COP1: variants seen among roughly 807,000 people sequenced by gnomAD.
COP1 encodes COP1 E3 ubiquitin ligase, also known as E3 ubiquitin-protein ligase COP1.
Under a neutral mutation model 101.3 loss-of-function variants are expected in COP1, and 24 were observed. The observed-to-expected ratio is 0.24, with a 90% confidence interval of 0.17 to 0.33. COP1 has a LOEUF of 0.33. COP1 is among the 10% of genes least tolerant of loss of function. The pLI, the probability that COP1 is intolerant of heterozygous loss-of-function variation, is 1.00. For missense variants in COP1, 663 were observed against 906.2 expected (o/e 0.73, Z 3.45); for synonymous variants, 347 against 341.9 (o/e 1.01, Z -0.17).
At chr1:175,949,953 T>C (rs1649664264) in intron 18 of COP1, among the ~76,000 whole-genome samples, 1 of 152,162 alleles carries the variant, frequency 6.6e-6, no homozygotes, top group Non-Finnish European at 1.5e-5. Context: ...AATTGTAGTA[T>C]ATTATCTTAC....
At chr1:175,952,789 T>C (rs1650113534) in intron 18 of COP1, among the ~76,000 whole-genome samples, 1 of 150,546 alleles carries the variant, frequency 6.6e-6, no homozygotes, top group Non-Finnish European at 1.5e-5. Flanking sequence ...GATGCATGCA[T>C]GCCTCTAGTC....
chr1:176,171,538 G>A (rs542742), intron 3 of COP1, among the ~76,000 whole-genome samples: 41,268 of 151,934 alleles, frequency 0.27, 6,718 homozygotes, highest in East Asian at 0.52. Flanking sequence ...TTTTAATTTC[G>A]TTCAAGAACT....
chr1:176,034,335 T>A (rs1296101297), intron 14 of COP1, among the ~76,000 whole-genome samples: 2 of 152,176 alleles, frequency 1.3e-5, no homozygotes, highest in Non-Finnish European at 2.9e-5. Flanking sequence ...TCCTCCAACT[T>A]TTCCCCATGG....
At chr1:176,094,981 G>T (rs1682067483) in intron 9 of COP1, among the ~76,000 whole-genome samples, 3 of 152,084 alleles carry the variant, frequency 2.0e-5, no homozygotes, top group Admixed American at 6.5e-5. Flanking sequence ...AACTTACCAT[G>T]GCAAAGTTCC....
intron 5 of COP1, among the ~76,000 whole-genome samples, chr1:176,151,359 A>AAG (rs1553292732): frequency 1.0e-4 from 6 of 58,654 alleles, no homozygotes. Context: ...AAGAAAAAGA[A>AAG]AGAAAGAAAG....
At chr1:176,110,123 A>G (rs1685025788) in intron 9 of COP1, among the ~76,000 whole-genome samples, 1 of 152,176 alleles carries the variant, frequency 6.6e-6, no homozygotes, top group Admixed American at 6.5e-5. Context: ...AATTCACACA[A>G]TGCAGACGAT....
At chr1:176,020,060 T>C (rs1174817836) in intron 15 of COP1, among the ~76,000 whole-genome samples, 1 of 152,018 alleles carries the variant, frequency 6.6e-6, no homozygotes, top group Non-Finnish European at 1.5e-5. Flanking sequence ...GCATGGTGGC[T>C]CACGTCTATA....
In COP1 at chr1:175,965,829, G is replaced by A. The variant is rs549435851; in HGVS notation, c.2134-18590C>T. On this transcript the variant is annotated intron_variant, in intron 18 of 19. Transcript: ENST00000367669. ...GAACTCCTGACCTCGTGACCCACCC[G>A]CCTCAGCCTCCTAAAGTGTTGGGAT... Among the ~76,000 whole-genome samples the A allele has an allele frequency of 5.3e-5, 8 of 152,118 alleles. No individual in the cohort carries two copies. In the East Asian group the frequency reaches 9.7e-4, roughly 18 times the overall value.
At chr1:176,032,685 G>A (rs942155806) in intron 14 of COP1, among the ~76,000 whole-genome samples, 5 of 151,986 alleles carry the variant, frequency 3.3e-5, no homozygotes, top group Non-Finnish European at 7.4e-5. Context: ...CAAACCAAGC[G>A]ACTGCGAAGA....
chr1:176,080,828 A>C (rs10913132), intron 11 of COP1, among the ~76,000 whole-genome samples: 59,105 of 151,994 alleles, frequency 0.39, 11,790 homozygotes, highest in Middle Eastern at 0.44. Flanking sequence ...TTAAGGAAGA[A>C]ATAATACCAA....
intron 1 of COP1, among the ~76,000 whole-genome samples, chr1:176,191,575 A>C (rs1354812139): frequency 6.6e-6 from 1 of 152,014 alleles, no homozygotes; most frequent in Admixed American, 6.6e-5. Flanking sequence ...TGAAAGAAAA[A>C]AAATGAGTAA....
chr1:175,992,873 A>G (rs932013735), intron 15 of COP1, among the ~76,000 whole-genome samples: 1 of 152,222 alleles, frequency 6.6e-6, no homozygotes, highest in African/African-American at 2.4e-5. Flanking sequence ...CCTGTCTGAC[A>G]GCTTTGAAGA....
intron 11 of COP1, among the ~76,000 whole-genome samples, chr1:176,077,097 G>A (rs1221684654): frequency 6.6e-6 from 1 of 152,098 alleles, no homozygotes; most frequent in Non-Finnish European, 1.5e-5. Context: ...AAAAAATCAA[G>A]GAGGGGCTTC....
chr1:176,159,027 C>T (rs2149909029), intron 5 of COP1, among the ~76,000 whole-genome samples: 1 of 152,202 alleles, frequency 6.6e-6, no homozygotes, highest in African/African-American at 2.4e-5. Context: ...CTAAAGCAAC[C>T]ACTAAAAAGA....
intron 18 of COP1, among the ~76,000 whole-genome samples, chr1:175,956,211 T>C (rs1558159283): frequency 6.6e-6 from 1 of 151,694 alleles, no homozygotes; most frequent in Non-Finnish European, 1.5e-5. Flanking sequence ...ATCAACTGAA[T>C]TTCAAAACAA....
chr1:176,061,424 C>T (rs1455797290), intron 11 of COP1, among the ~76,000 whole-genome samples: 4 of 152,120 alleles, frequency 2.6e-5, no homozygotes, highest in African/African-American at 4.8e-5. Context: ...GTCAGGAGTT[C>T]GAGATCAGCC....
chr1:176,179,468 C>A lies in COP1; in HGVS notation c.468-3461G>T, dbSNP rs72715134. Among the ~76,000 whole-genome samples, 494 of 152,208 alleles carry A rather than the reference C, an allele frequency of 3.2e-3. 5 individuals are homozygous for A. Among genetic ancestry groups the A allele is most frequent in the Non-Finnish European group, 1.9e-3 (131 of 68,000 alleles). ...GAGTTTGTTAGGCTGGGTGCAGTGGCTCGTGCCTGTAATCTCAGCAATTTG... is the reference window on the plus strand; with the variant it reads ...GAGTTTGTTAGGCTGGGTGCAGTGGATCGTGCCTGTAATCTCAGCAATTTG... On this transcript the variant is annotated intron_variant, in intron 2 of 19. Coordinates refer to ENST00000367669, the MANE Select transcript of COP1 (RefSeq NM_022457.7).
chr1:175,971,870 A>G (rs559727195), intron 18 of COP1, among the ~76,000 whole-genome samples: 1 of 152,282 alleles, frequency 6.6e-6, no homozygotes, highest in Non-Finnish European at 1.5e-5. Context: ...TAGTCTCTAC[A>G]TCTTCCAAAG....
At chr1:175,982,740 C>T (rs1374469828) in intron 18 of COP1, among the ~76,000 whole-genome samples, 1 of 152,062 alleles carries the variant, frequency 6.6e-6, no homozygotes, top group African/African-American at 2.4e-5. Context: ...TTTACATGAA[C>T]TTGGAGGACA....
Sources: gnomAD v4.1 joint callset for allele counts (sites outside exome capture counted in the v4.1 genomes callset) on GRCh38, gnomAD v4.1.1 for gene constraint, MANE v1.5 for transcripts, NCBI Gene and HGNC (gene_info 2026-07-23, HGNC 2026-07-21) for gene names.